COG3: variants seen among roughly 807,000 people sequenced by gnomAD.
COG3 encodes the protein component of oligomeric golgi complex 3, also known as conserved oligomeric Golgi complex subunit 3.
In COG3, 32 loss-of-function variants were observed where a neutral mutation model predicts 114.1. That is an observed-to-expected ratio of 0.28 (90% CI 0.21 to 0.38). The LOEUF (loss-of-function observed/expected upper bound fraction) is 0.38, where lower values mean the gene tolerates loss of function less well. COG3 is among the 10% of genes least tolerant of loss of function. COG3 has a pLI of 1.00. For synonymous variants in COG3, 352 were observed against 365.7 expected, an observed-to-expected ratio of 0.96 and a Z score of 0.43; for missense variants, 813 against 973.2, an observed-to-expected ratio of 0.84 and a Z score of 2.19.
intron 10 of COG3, 127 bp downstream of exon 10, chr13:45,491,665 A>G (rs1045060332): frequency 2.3e-6 from 2 of 858,320 alleles, no homozygotes; most frequent in African/African-American, 3.4e-5. Context: ...GTTTTTCATT[A>G]TGACAAATCT....
intron 1 of COG3, 67 bp from the exon 2 acceptor site, chr13:45,476,134 C>T (rs1885846098): frequency 6.7e-7 from 1 of 1,488,300 alleles, no homozygotes; most frequent in African/African-American, 1.4e-5. Flanking sequence ...GATGGAAACC[C>T]AATCTTGAGT....
intron 8 of COG3, among the ~76,000 whole-genome samples, chr13:45,489,819 A>ATT (rs66501920): frequency 9.2e-4 from 135 of 146,256 alleles, no homozygotes; most frequent in African/African-American, 2.5e-3. Context: ...ATTCCAATGG[A>ATT]TTTTTTTTTT....
At chr13:45,519,375 A>G (rs1472979632) in intron 19 of COG3, among the ~76,000 whole-genome samples, 3 of 152,188 alleles carry the variant, frequency 2.0e-5, no homozygotes, top group Non-Finnish European at 4.4e-5. Flanking sequence ...TCCGCCTTGT[A>G]GGTTATCTGC....
At chr13:45,511,155 C>A (rs1160681119) in intron 15 of COG3, among the ~76,000 whole-genome samples, 1 of 74,028 alleles carries the variant, frequency 1.4e-5, no homozygotes, top group Non-Finnish European at 3.2e-5. Flanking sequence ...CATTTGGTAA[C>A]CTGTTTTTTT....
At chr13:45,477,104 A>G in intron 2 of COG3, among the ~76,000 whole-genome samples, 1 of 152,320 alleles carries the variant, frequency 6.6e-6, no homozygotes, top group Admixed American at 6.5e-5. Flanking sequence ...AACAGGGATA[A>G]TTATATATTA....
At chr13:45,474,507 C>G (rs1885737113) in intron 1 of COG3, among the ~76,000 whole-genome samples, 1 of 152,122 alleles carries the variant, frequency 6.6e-6, no homozygotes, top group Non-Finnish European at 1.5e-5. Context: ...GACAGTGTAT[C>G]CGTATCAGCT....
intron 13 of COG3, among the ~76,000 whole-genome samples, chr13:45,501,637 G>T (rs147688347): frequency 6.6e-6 from 1 of 152,288 alleles, no homozygotes; most frequent in East Asian, 1.9e-4. Context: ...TTGAAGGATT[G>T]TATTAGAAAG....
chr13:45,477,012 A>C (rs1281579523), intron 2 of COG3, among the ~76,000 whole-genome samples: 1 of 152,220 alleles, frequency 6.6e-6, no homozygotes, highest in Non-Finnish European at 1.5e-5. Flanking sequence ...CCTGCACCTG[A>C]AAGTCAGCTC....
At position 45,516,123 on chromosome 13, in the gene COG3, T is replaced by A. The variant is rs367584570; in HGVS notation, c.1810-20T>A. 3.9e-5 allele frequency: 59 copies of A among 1,518,210 alleles called. 1 individual carries two copies. The African/African-American group carries it at 7.8e-4, about 20-fold the overall frequency. The allele number at this position is 1,518,210 out of a possible 1,614,324, so 94.0% of individuals were successfully genotyped here. A position where few individuals can be genotyped will look rare whatever the true frequency, so the allele number is the denominator to read the frequency against. ...TGATTTAATATGTGATCATATCCAT[T>A]TTTCTGTCTTATAATTTAGACTCAG... is the stretch of plus-strand genomic sequence containing the variant. On this transcript the variant is annotated intron_variant, in intron 16 of 22. Transcript: ENST00000349995.
rs1341837548 is a variant in COG3 at position 45,509,821 on chromosome 13, G to A, written c.1719+5G>A. On this transcript the variant is annotated splice_donor_5th_base_variant and intron_variant, in intron 15 of 22. Transcript: ENST00000349995. ...AAATTATACAGATGCATAGATGTAC[G>A]TGTATCTTTACTGTGAATTGCTCGT... The A allele has an allele frequency of 6.3e-7, 1 of 1,596,316 alleles. No homozygotes were observed. The highest frequency in any genetic ancestry group is 8.6e-7 in the Non-Finnish European group (1 of 1,167,460).
intron 22 of COG3, chr13:45,531,183 G>C: frequency 2.1e-6 from 1 of 470,032 alleles, no homozygotes; most frequent in Non-Finnish European, 2.8e-6. Context: ...TTGGCTACAC[G>C]AGTAAGTTCT....
In COG3 at chr13:45,535,219, C is replaced by G. The variant is rs149598972; in HGVS notation, c.*488C>G. 3.0e-6 allele frequency: 3 copies of G among 985,678 alleles called. No homozygotes were observed. In the East Asian group the frequency reaches 3.4e-4, roughly 112 times the overall value. 61.1% of individuals were successfully genotyped at this position (985,678 alleles called of 1,614,324 possible). On this transcript the variant is annotated 3_prime_UTR_variant, in exon 23 of 23. Transcript: ENST00000349995. ...TTATTTAATGTAATGTTTCTCCTGT[C>G]ATTTTTGAAGTTGAGTTTGGAGTAG...
intron 17 of COG3, among the ~76,000 whole-genome samples, chr13:45,517,410 G>C (rs986827586): frequency 6.6e-6 from 1 of 152,018 alleles, no homozygotes; most frequent in African/African-American, 2.4e-5. Context: ...GCTCTATTTC[G>C]TTCCCTAGTG....
At chr13:45,500,889 G>A (rs766461234) in intron 13 of COG3, among the ~76,000 whole-genome samples, 3 of 152,158 alleles carry the variant, frequency 2.0e-5, no homozygotes, top group Non-Finnish European at 4.4e-5. Flanking sequence ...GTTGAGGACT[G>A]GTTTATAGTG....
Position 45,519,052 on chromosome 13 carries a change from G to A in COG3, c.2112G>A (p.Gln704=). The A allele has an allele frequency of 6.2e-7, 1 of 1,614,196 alleles. No individual in the cohort carries two copies. Among genetic ancestry groups the A allele is most frequent in the Non-Finnish European group, 8.5e-7 (1 of 1,180,024 alleles). The change falls in exon 19 of 23, where the codon CAG becomes CAA. Residue 704 remains glutamine (Q), a synonymous_variant. Coordinates refer to ENST00000349995, the MANE Select transcript of COG3 (RefSeq NM_031431.4). ...KSACEQFIQQ[Q]TKLFVEQLEE... is the part of the protein sequence containing the mutation. The stretch of plus-strand genomic sequence containing the variant: ...CCTGTGAGCAGTTTATTCAGCAGCA[G>A]ACCAAGCTGTTTGTAGAACAGCTGG...
At position 45,490,935 on chromosome 13, in the gene COG3, A is replaced by G. The variant is rs1566251437; in HGVS notation, c.945A>G (p.Glu315=). 6.2e-7 allele frequency: 1 copy of G among 1,602,488 alleles called. No individual in the cohort carries two copies. The highest frequency in any genetic ancestry group is 2.2e-5 in the East Asian group (1 of 44,554). The change falls in exon 9 of 23, where the codon GAA becomes GAG. Residue 315 remains glutamate, a synonymous_variant. Coordinates refer to ENST00000349995, the MANE Select transcript of COG3 (RefSeq NM_031431.4). ...PKVRTLIEQI[E]LRSEKIPEYQ... ...TGCAGACTCTTATTGAACAAATAGA[A>G]CTGCGGTCTGAAAAAATACCTGAGT...
At chr13:45,472,634 G>A (rs1325853787) in intron 1 of COG3, among the ~76,000 whole-genome samples, 1 of 151,976 alleles carries the variant, frequency 6.6e-6, no homozygotes, top group East Asian at 1.9e-4. Context: ...GTACTGATGA[G>A]CCCATTGCAG....
intron 1 of COG3, among the ~76,000 whole-genome samples, chr13:45,467,858 A>G (rs951539468): frequency 2.0e-5 from 3 of 152,228 alleles, no homozygotes; most frequent in African/African-American, 7.2e-5. Flanking sequence ...CACGAGATAA[A>G]TTACTTCCTG....
intron 13 of COG3, among the ~76,000 whole-genome samples, chr13:45,497,152 C>T (rs1431410579): frequency 1.3e-5 from 2 of 152,186 alleles, no homozygotes; most frequent in Admixed American, 6.5e-5. Context: ...GTCATGCTCT[C>T]TCATAAAAAC....
Sources: gnomAD v4.1 joint callset for allele counts (sites outside exome capture counted in the v4.1 genomes callset) on GRCh38, gnomAD v4.1.1 for gene constraint, MANE v1.5 for transcripts, NCBI Gene and HGNC (gene_info 2026-07-23, HGNC 2026-07-21) for gene names.